PTPRD: variants seen among roughly 807,000 people sequenced by gnomAD.
PTPRD encodes protein tyrosine phosphatase receptor type D, also known as receptor-type tyrosine-protein phosphatase delta.
Under a neutral mutation model 214.5 loss-of-function variants are expected in PTPRD, and 34 were observed. The observed-to-expected ratio is 0.16, with a 90% CI of 0.12 to 0.21. PTPRD has a LOEUF of 0.21. PTPRD is among the 10% of genes least tolerant of loss of function. PTPRD has a pLI of 1.00. For missense variants in PTPRD, 2,545 were observed against 2,398.7 expected, an observed-to-expected ratio of 1.06 and a Z score of -1.27; for synonymous variants, 1,128 against 845.7, an observed-to-expected ratio of 1.33 and a Z score of -5.79.
At chr9:10,110,540 A>C (rs1421828288) in intron 3 of PTPRD, among the ~76,000 whole-genome samples, 2 of 152,230 alleles carry the variant, frequency 1.3e-5, no homozygotes, top group Non-Finnish European at 2.9e-5. Flanking sequence ...AAATGAGATG[A>C]GAAAGGGGGA....
At chr9:9,103,117 C>T (rs2099793552) in intron 10 of PTPRD, among the ~76,000 whole-genome samples, 1 of 152,082 alleles carries the variant, frequency 6.6e-6, no homozygotes. Context: ...CTCTTTTGTA[C>T]TTGTCTTAAC....
chr9:9,917,473 T>A (rs1260327369), intron 5 of PTPRD, among the ~76,000 whole-genome samples: 590 of 72,170 alleles, frequency 8.2e-3, no homozygotes, highest in Non-Finnish European at 0.013. Flanking sequence ...AAAAAAAAAA[T>A]CCAGGACCAG....
At chr9:8,625,856 A>G (rs67775498) in intron 14 of PTPRD, among the ~76,000 whole-genome samples, 42,230 of 150,714 alleles carry the variant, frequency 0.28, 6,316 homozygotes, top group African/African-American at 0.39. Flanking sequence ...CTATTCCCCG[A>G]TTGCCCAGTA....
At chr9:9,461,369 T>A (rs2145902330) in intron 8 of PTPRD, among the ~76,000 whole-genome samples, 1 of 152,182 alleles carries the variant, frequency 6.6e-6, no homozygotes, top group South Asian at 2.1e-4. Context: ...ATAGAGAAGT[T>A]GTCTGTATTT....
intron 2 of PTPRD, among the ~76,000 whole-genome samples, chr9:10,521,115 G>A (rs748708906): frequency 7.2e-5 from 11 of 151,926 alleles, no homozygotes; most frequent in East Asian, 3.9e-4. Flanking sequence ...AAAACCTTCC[G>A]GAAAGGATTC....
At chr9:8,550,608 T>G (rs2140720793) in intron 14 of PTPRD, among the ~76,000 whole-genome samples, 2 of 152,126 alleles carry the variant, frequency 1.3e-5, no homozygotes, top group Admixed American at 1.3e-4. Flanking sequence ...GTGGAAAGAG[T>G]AGCAACAAAT....
chr9:9,833,093 AG>A (rs1395318457), intron 5 of PTPRD, among the ~76,000 whole-genome samples: 1 of 151,090 alleles, frequency 6.6e-6, no homozygotes, highest in Admixed American at 6.6e-5. Context: ...AATGAAGAGA[AG>A]GGGCAAGGCC....
intron 2 of PTPRD, among the ~76,000 whole-genome samples, chr9:10,602,277 A>G (rs1591796065): frequency 6.6e-6 from 1 of 151,862 alleles, no homozygotes; most frequent in African/African-American, 2.4e-5. Flanking sequence ...AATTCACATA[A>G]CATTTCTGAT....
chr9:9,545,366 C>A (rs1458948630), intron 8 of PTPRD, among the ~76,000 whole-genome samples: 1 of 151,774 alleles, frequency 6.6e-6, no homozygotes, highest in Non-Finnish European at 1.5e-5. Context: ...ACAGTTTCGT[C>A]TTTTCTAGAA....
chr9:9,369,847 G>A (rs1045445781), intron 9 of PTPRD, among the ~76,000 whole-genome samples: 1 of 152,064 alleles, frequency 6.6e-6, no homozygotes, highest in African/African-American at 2.4e-5. Context: ...AGTTTTCCCA[G>A]AACCATTTAT....
chr9:8,373,107 GCTTTTTGCATAGTTT>G (rs1448567400), intron 39 of PTPRD, among the ~76,000 whole-genome samples: 1 of 151,956 alleles, frequency 6.6e-6, no homozygotes, highest in Non-Finnish European at 1.5e-5. Flanking sequence ...GGCTATTGTG[GCTTTTTGCATAGTTT>G]CTTTCTGCTC....
intron 8 of PTPRD, among the ~76,000 whole-genome samples, chr9:9,509,121 C>T (rs539157833): frequency 4.6e-5 from 7 of 151,628 alleles, no homozygotes; most frequent in Non-Finnish European, 1.0e-4. Context: ...CATTAGCAAG[C>T]TCAGAAAGTA....
At chr9:9,818,457 CATT>C (rs1447610506) in intron 5 of PTPRD, among the ~76,000 whole-genome samples, 1 of 151,944 alleles carries the variant, frequency 6.6e-6, no homozygotes, top group African/African-American at 2.4e-5. Flanking sequence ...GTTCCAGAAA[CATT>C]ATTTAGTTTA....
Position 9,166,121 on chromosome 9 carries a change from ATCAAGAC to A in PTPRD, c.-143+17176_-143+17182del, listed in dbSNP as rs1314410885. Reference sequence around the variant, plus strand: ...TTAAAATGTCTCAGCTCATGAATATATCAAGACTCTGGGTTTGATTTTTTTTTTTTTT... The same window carrying A: ...TTAAAATGTCTCAGCTCATGAATATATCTGGGTTTGATTTTTTTTTTTTTT... On this transcript the variant is annotated intron_variant, in intron 10 of 45. Coordinates refer to ENST00000381196, the MANE Select transcript of PTPRD (RefSeq NM_002839.4). 7.3e-5 allele frequency among the ~76,000 whole-genome samples: 11 copies of A among 151,004 alleles called. No homozygotes were observed. The East Asian group carries it at 2.1e-3, about 29-fold the overall frequency.
intron 3 of PTPRD, among the ~76,000 whole-genome samples, chr9:10,340,719 G>A (rs2096922861): frequency 6.6e-6 from 1 of 151,854 alleles, no homozygotes; most frequent in Admixed American, 6.6e-5. Flanking sequence ...TCAAATGGAT[G>A]CCAACATCTC....
chr9:9,555,928 C>A (rs867718600), intron 8 of PTPRD, among the ~76,000 whole-genome samples: 2 of 152,010 alleles, frequency 1.3e-5, no homozygotes, highest in Non-Finnish European at 2.9e-5. Context: ...AAAATAGAAC[C>A]TTTGCTTCCT....
intron 5 of PTPRD, among the ~76,000 whole-genome samples, chr9:9,862,068 G>A (rs1444438748): frequency 6.6e-6 from 1 of 152,090 alleles, no homozygotes; most frequent in Non-Finnish European, 1.5e-5. Context: ...AAGATTATGT[G>A]CTAAATGCTA....
At chr9:8,897,186 G>C (rs914298699) in intron 11 of PTPRD, among the ~76,000 whole-genome samples, 1 of 152,152 alleles carries the variant, frequency 6.6e-6, no homozygotes, top group Admixed American at 6.6e-5. Flanking sequence ...TTTATTAAAT[G>C]CCTGTGGGTT....
At chr9:8,751,266 A>C (rs1337423851) in intron 11 of PTPRD, among the ~76,000 whole-genome samples, 1 of 152,158 alleles carries the variant, frequency 6.6e-6, no homozygotes, top group Non-Finnish European at 1.5e-5. Context: ...AGTACCTGAC[A>C]TTAGTTCTCA....
Sources: allele counts gnomAD v4.1 joint callset (sites outside exome capture counted in the v4.1 genomes callset), GRCh38; gene constraint gnomAD v4.1.1; transcripts MANE v1.5; gene names NCBI Gene and HGNC (gene_info 2026-07-23, HGNC 2026-07-21).